The following DIPK2B variants were observed in gnomAD, a reference collection of about 807,000 sequenced individuals.
DIPK2B encodes divergent protein kinase domain 2B.
DIPK2B carries 15 observed loss-of-function variants against 22.2 expected under a neutral mutation model. The ratio of observed to expected loss-of-function variants is 0.68; its 90% CI spans 0.45 to 1.04. The LOEUF (loss-of-function observed/expected upper bound fraction) is 1.04, where lower values mean the gene tolerates loss of function less well. Among genes scored for constraint, DIPK2B ranks in the 50% least tolerant of loss-of-function variants. DIPK2B has a pLI of 0.00. For missense variants in DIPK2B, 345 were observed against 348.3 expected, an observed-to-expected ratio of 0.99 and a Z score of 0.08; for synonymous variants, 163 against 153.2, an observed-to-expected ratio of 1.06 and a Z score of -0.47.
intron 3 of DIPK2B, 122 bp downstream of exon 3, chrX:45,157,593 T>C: frequency 1.4e-6 from 1 of 723,694 alleles, no homozygotes; most frequent in Non-Finnish European, 2.0e-6. Context: ...GCCAGAAAGG[T>C]CCTAACACGG....
At chrX:45,172,408 C>T (rs976032637) in intron 2 of DIPK2B, among the ~76,000 whole-genome samples, 4 of 111,906 alleles carry the variant, frequency 3.6e-5, no homozygotes, top group East Asian at 2.8e-4. Flanking sequence ...CCTACCTGTG[C>T]CCCTTGCTGT....
At chrX:45,155,194 A>G (rs748267197) in intron 3 of DIPK2B, among the ~76,000 whole-genome samples, 1 of 109,762 alleles carries the variant, frequency 9.1e-6, no homozygotes, top group East Asian at 2.9e-4. Context: ...AGGCCGACGC[A>G]GGTGGATCAC....
intron 2 of DIPK2B, among the ~76,000 whole-genome samples, chrX:45,186,968 T>C (rs980771685): frequency 6.2e-5 from 7 of 112,942 alleles, no homozygotes; most frequent in Non-Finnish European, 5.6e-5. Context: ...AACATGCATT[T>C]TGGTTAATTT....
chrX:45,200,412 T>G (rs1462243507), intron 1 of DIPK2B, among the ~76,000 whole-genome samples, 182 bp downstream of exon 1: 2 of 112,060 alleles, frequency 1.8e-5, no homozygotes, highest in African/African-American at 6.5e-5. Flanking sequence ...AGGGCTGGAA[T>G]TTGGCTTCAC....
chrX:45,184,478 G>T lies in DIPK2B; in HGVS notation c.498+7273C>A, dbSNP rs766193438. Reference sequence around the variant, plus strand: ...ATGTGTAATTCAGTAAGTAGAAATAGATTTTGATCTTTAACAAATTGATAT... The same window carrying T: ...ATGTGTAATTCAGTAAGTAGAAATATATTTTGATCTTTAACAAATTGATAT... On this transcript the variant is annotated intron_variant, in intron 2 of 4. Coordinates refer to ENST00000398000, the MANE Select transcript of DIPK2B (RefSeq NM_176819.4). Among the ~76,000 whole-genome samples the T allele has an allele frequency of 3.6e-5, 4 of 111,905 alleles. No individual in the cohort carries two copies. In the South Asian group the frequency reaches 1.5e-3, roughly 41 times the overall value.
At chrX:45,189,380 G>A (rs192278164) in intron 2 of DIPK2B, among the ~76,000 whole-genome samples, 159 of 111,923 alleles carry the variant, frequency 1.4e-3, no homozygotes, top group Middle Eastern at 9.2e-3. Flanking sequence ...TTGGGAGGCC[G>A]AGGTGGGCGG....
chrX:45,187,070 A>G (rs920338697), intron 2 of DIPK2B, among the ~76,000 whole-genome samples: 3 of 112,142 alleles, frequency 2.7e-5, no homozygotes, highest in African/African-American at 9.7e-5. Flanking sequence ...AGCTGACTGA[A>G]CACTCTGTAC....
chrX:45,200,749 C>T lies in DIPK2B; in HGVS notation c.78G>A (p.Leu26=), dbSNP rs748418366. 8.3e-7 allele frequency: 1 copy of T among 1,210,166 alleles called. No individual in the cohort carries two copies. Among genetic ancestry groups the T allele is most frequent in the South Asian group, 1.8e-5 (1 of 56,742 alleles). ...WLALLLWVSA[L]SCSFSLPASS... The stretch of plus-strand genomic sequence containing the variant: ...AAGCTGGCAAGGAGAAAGAACAGCT[C>T]AGGGCTGAGACCCACAGCAGCAGGG... Residue 26 remains leucine, a synonymous_variant, in exon 1 of 5, where the codon CTG becomes CTA. Transcript: ENST00000398000.
At chrX:45,157,670 C>A in intron 3 of DIPK2B, 45 bp downstream of exon 3, 1 of 1,136,972 alleles carries the variant, frequency 8.8e-7, no homozygotes, top group Non-Finnish European at 1.2e-6. Context: ...TCTGGGAGTC[C>A]AAGATTGACC....
At chrX:45,182,257 C>G (rs769390604) in intron 2 of DIPK2B, among the ~76,000 whole-genome samples, 59 of 110,684 alleles carry the variant, frequency 5.3e-4, no homozygotes, top group Admixed American at 1.4e-3. Flanking sequence ...AGTACTTTAC[C>G]AAAGATGAGA....
At chrX:45,166,852 AG>A (rs2047051621) in intron 2 of DIPK2B, among the ~76,000 whole-genome samples, 1 of 112,278 alleles carries the variant, frequency 8.9e-6, no homozygotes, top group South Asian at 3.7e-4. Flanking sequence ...TACATTTGGA[AG>A]GCTGAGGGAA....
In DIPK2B at chrX:45,163,582, G is replaced by C; in HGVS notation, c.499-5694C>G. On this transcript the variant is annotated intron_variant, in intron 2 of 4. Coordinates refer to ENST00000398000, the MANE Select transcript of DIPK2B (RefSeq NM_176819.4). ...CAAAAAACATCACCAGCAATCAGCA[G>C]TGTCCTCATTTAAAGAGTTCTTACC... 3 of 754,394 alleles carry C rather than the reference G, an allele frequency of 4.0e-6. No individual in the cohort carries two copies. The South Asian group carries it at 2.0e-4, about 51-fold the overall frequency. The allele number at this position is 754,394 out of a possible 1,213,427, so 62.2% of individuals were successfully genotyped here. A position where few individuals can be genotyped will look rare whatever the true frequency, so the allele number is the denominator to read the frequency against.
rs2046950384 is a variant in DIPK2B at position 45,149,631 on chromosome X, G to T, written c.*2021C>A. The T allele has an allele frequency of 8.9e-6, 1 of 112,671 alleles. No homozygotes were observed. Among genetic ancestry groups the T allele is most frequent in the Non-Finnish European group, 1.9e-5 (1 of 53,300 alleles). 9.3% of individuals were successfully genotyped at this position (112,671 alleles called of 1,213,427 possible). Reference sequence around the variant, plus strand: ...CAGGTGAAAGTCAGAGGCTGAAGGGGAGGGCAATAGGAGCCTCCTAATAGC... The same window carrying T: ...CAGGTGAAAGTCAGAGGCTGAAGGGTAGGGCAATAGGAGCCTCCTAATAGC... On this transcript the variant is annotated 3_prime_UTR_variant, in exon 5 of 5. Transcript: ENST00000398000.
chrX:45,151,929 C>A lies in DIPK2B; in HGVS notation c.1025G>T (p.Cys342Phe). ...TTCGCAGGAGGGCAGCTGGGCCTGG[C>A]AGCCGGAAACCAGGCAGCTAAAAAT... ...KDIFSCLVSG[C>F]QAQLPSCESI... Residue 342 changes from cysteine (C) to phenylalanine (F), a missense_variant, in exon 5 of 5, where the codon TGC becomes TTC. Cys to Phe is a radical substitution (Grantham distance 205, BLOSUM62 -2). Coordinates refer to ENST00000398000, the MANE Select transcript of DIPK2B (RefSeq NM_176819.4). 1 of 1,202,446 alleles carries A rather than the reference C, an allele frequency of 8.3e-7. No individual in the cohort carries two copies. Among genetic ancestry groups the A allele is most frequent in the African/African-American group, 1.7e-5 (1 of 57,743 alleles).
In DIPK2B at chrX:45,148,905, C is replaced by A. The variant is rs1461878368; in HGVS notation, c.*2747G>T. 1 of 112,204 alleles carries A rather than the reference C, an allele frequency of 8.9e-6. No individual in the cohort carries two copies. Among genetic ancestry groups the A allele is most frequent in the Non-Finnish European group, 1.9e-5 (1 of 53,297 alleles). 9.2% of individuals were successfully genotyped at this position (112,204 alleles called of 1,213,427 possible). A position where few individuals can be genotyped will look rare whatever the true frequency, so the allele number is the denominator to read the frequency against. On this transcript the variant is annotated 3_prime_UTR_variant, in exon 5 of 5. Coordinates refer to ENST00000398000, the MANE Select transcript of DIPK2B (RefSeq NM_176819.4). The stretch of plus-strand genomic sequence containing the variant: ...GACTCGGACAAACGGGGCACAAGGC[C>A]TCTTTCTGCTGATACAGGTGGGTCC...
At chrX:45,191,002 G>A (rs773640589) in intron 2 of DIPK2B, among the ~76,000 whole-genome samples, 4 of 112,849 alleles carry the variant, frequency 3.5e-5, no homozygotes, top group Non-Finnish European at 7.5e-5. Flanking sequence ...CTGGCCGGGC[G>A]TGGTGGCTCA....
chrX:45,195,412 G>A (rs1250710575), intron 1 of DIPK2B, among the ~76,000 whole-genome samples: 1 of 111,826 alleles, frequency 8.9e-6, no homozygotes, highest in Non-Finnish European at 1.9e-5. Flanking sequence ...GGGTGGGGGT[G>A]TAGAGGAGAG....
At chrX:45,194,831 G>C (rs945062864) in intron 1 of DIPK2B, among the ~76,000 whole-genome samples, 1 of 112,378 alleles carries the variant, frequency 8.9e-6, no homozygotes, top group African/African-American at 3.2e-5. Context: ...GAGGAGGGCA[G>C]GTCTCAGGGC....
chrX:45,158,513 A>G (rs935282811), intron 2 of DIPK2B, among the ~76,000 whole-genome samples: 1 of 110,364 alleles, frequency 9.1e-6, no homozygotes, highest in African/African-American at 3.3e-5. Flanking sequence ...TTTTATATGC[A>G]CCACTGTGTT....
Sources: allele counts gnomAD v4.1 joint callset (sites outside exome capture counted in the v4.1 genomes callset), GRCh38; gene constraint gnomAD v4.1.1; transcripts MANE v1.5; gene names NCBI Gene and HGNC (gene_info 2026-07-23, HGNC 2026-07-21).